GRID2: variants seen among roughly 807,000 people sequenced by gnomAD.
GRID2 encodes the protein glutamate receptor ionotropic, delta-2.
In GRID2, 33 loss-of-function variants were observed where a neutral mutation model predicts 114.8. The observed-to-expected ratio is 0.29, with a 90% CI of 0.22 to 0.38. The LOEUF (loss-of-function observed/expected upper bound fraction) is 0.38. Among genes scored for constraint, GRID2 ranks in the 10% least tolerant of loss-of-function variants. The pLI, the probability that GRID2 is intolerant of heterozygous loss-of-function variation, is 1.00. For synonymous variants in GRID2, 505 were observed against 449.9 expected (o/e 1.12, Z -1.55); for missense variants, 1,184 against 1,257.7 (o/e 0.94, Z 0.89).
chr4:93,354,455 T>G (rs1344649785), intron 8 of GRID2, among the ~76,000 whole-genome samples: 1 of 151,908 alleles, frequency 6.6e-6, no homozygotes, highest in East Asian at 1.9e-4. Flanking sequence ...GAAGCAAATT[T>G]TTTTGAGGGA....
At chr4:93,013,691 C>G (rs566659723) in intron 2 of GRID2, among the ~76,000 whole-genome samples, 1 of 151,978 alleles carries the variant, frequency 6.6e-6, no homozygotes, top group African/African-American at 2.4e-5. Context: ...TATATCCTAC[C>G]TATGTAAATC....
chr4:93,652,784 T>TAAAAAA (rs200098114), intron 14 of GRID2, among the ~76,000 whole-genome samples: 12 of 86,380 alleles, frequency 1.4e-4, no homozygotes, highest in African/African-American at 2.9e-4. Context: ...CAGTAAATGC[T>TAAAAAA]AAAAAAAAAA....
At chr4:93,299,211 C>G (rs571422542) in intron 8 of GRID2, among the ~76,000 whole-genome samples, 47 of 152,160 alleles carry the variant, frequency 3.1e-4, no homozygotes, top group South Asian at 8.3e-4. Flanking sequence ...CTCAGGCACT[C>G]GTAGCCCACT....
chr4:93,798,896 A>T (rs1561007938), intron 1 of GRID2, among the ~76,000 whole-genome samples: 1 of 152,192 alleles, frequency 6.6e-6, no homozygotes, highest in Non-Finnish European at 1.5e-5. Context: ...AGGCTTACAA[A>T]GATACATAAC....
At chr4:93,071,311 T>G (rs1316209667) in intron 2 of GRID2, among the ~76,000 whole-genome samples, 1 of 152,108 alleles carries the variant, frequency 6.6e-6, no homozygotes, top group African/African-American at 2.4e-5. Context: ...CCTTTCCTGT[T>G]TACTCAATTA....
intron 2 of GRID2, among the ~76,000 whole-genome samples, chr4:92,658,492 C>T (rs1407295488): frequency 2.0e-5 from 3 of 151,638 alleles, no homozygotes; most frequent in East Asian, 1.9e-4. Flanking sequence ...TTAGGTCTGG[C>T]CCAGACAGCA....
At chr4:93,673,666 T>C (rs1243237511) in intron 14 of GRID2, among the ~76,000 whole-genome samples, 1 of 152,226 alleles carries the variant, frequency 6.6e-6, no homozygotes. Flanking sequence ...TAAGCTGTCC[T>C]TTAAACAAGA....
chr4:93,065,463 G>A (rs752578990), intron 2 of GRID2, among the ~76,000 whole-genome samples: 3 of 151,818 alleles, frequency 2.0e-5, no homozygotes, highest in Non-Finnish European at 4.4e-5. Context: ...CAAAAGAAGT[G>A]ACTGTTTTTA....
At chr4:93,274,868 T>C (rs1356279444) in intron 8 of GRID2, among the ~76,000 whole-genome samples, 1 of 152,046 alleles carries the variant, frequency 6.6e-6, no homozygotes, top group Non-Finnish European at 1.5e-5. Context: ...CTATTCTACT[T>C]CCTGAAGCAA....
At chr4:92,324,975 A>T (rs1306731940) in intron 1 of GRID2, among the ~76,000 whole-genome samples, 1 of 152,074 alleles carries the variant, frequency 6.6e-6, no homozygotes, top group South Asian at 2.1e-4. Flanking sequence ...ACTATACAAA[A>T]AATAAATCAG....
intron 13 of GRID2, among the ~76,000 whole-genome samples, chr4:93,612,291 G>A (rs1232683975): frequency 2.0e-5 from 3 of 150,590 alleles, no homozygotes; most frequent in African/African-American, 7.3e-5. Context: ...TCTTTTAATT[G>A]GAGAATTTAG....
chr4:92,605,862 A>G (rs897848987), intron 2 of GRID2, among the ~76,000 whole-genome samples: 3 of 152,090 alleles, frequency 2.0e-5, no homozygotes, highest in African/African-American at 7.2e-5. Flanking sequence ...CCCCTTGGAC[A>G]TGGTGTGTAT....
chr4:93,450,537 A>T (rs933642790), intron 10 of GRID2, among the ~76,000 whole-genome samples: 2 of 151,756 alleles, frequency 1.3e-5, no homozygotes, highest in African/African-American at 2.4e-5. Context: ...ATAATCATTT[A>T]TTTTAGATTA....
rs1015320573 is a variant in GRID2, at chr4:93,205,224, AT to A, written c.736-2171del. Among the ~76,000 whole-genome samples, 43 of 147,498 alleles carry A rather than the reference AT, an allele frequency of 2.9e-4. 1 individual carries two copies. The highest frequency in any genetic ancestry group is 1.3e-3 in the Admixed American group (19 of 14,792). On this transcript the variant is annotated intron_variant, in intron 4 of 15. Transcript: ENST00000282020. ...TACTGGTATAAAGTGTTTTTTTTTT[AT>A]TTTTTTTTAGCTAAAACTGAAAACT...
intron 10 of GRID2, among the ~76,000 whole-genome samples, chr4:93,439,806 C>T (rs950130751): frequency 7.9e-5 from 12 of 151,930 alleles, no homozygotes; most frequent in African/African-American, 2.4e-4. Flanking sequence ...TCCCCTTTTC[C>T]ACCCACACTG....
rs1324940371 is a variant in GRID2 at position 93,040,383 on chromosome 4, G to T, written c.245-44612G>T. Among the ~76,000 whole-genome samples the T allele has an allele frequency of 2.6e-5, 4 of 152,006 alleles. No individual in the cohort carries two copies. In the East Asian group the frequency reaches 7.7e-4, roughly 29 times the overall value. ...GTGCAAACAATTTGAGATTTGAAAA[G>T]TATTTCTGGACCAAGATGGTGACAG... On this transcript the variant is annotated intron_variant, in intron 2 of 15. Coordinates refer to ENST00000282020, the MANE Select transcript of GRID2 (RefSeq NM_001510.4).
intron 8 of GRID2, among the ~76,000 whole-genome samples, chr4:93,310,499 C>G (rs1755900056): frequency 6.6e-6 from 1 of 151,846 alleles, no homozygotes. Context: ...CCACTGCACT[C>G]CAGCCTGGGC....
intron 2 of GRID2, among the ~76,000 whole-genome samples, chr4:92,757,895 T>G (rs1023390604): frequency 3.3e-5 from 5 of 150,908 alleles, no homozygotes; most frequent in African/African-American, 1.2e-4. Context: ...TACACGTCAG[T>G]AGTAATCTTC....
At chr4:93,023,399 G>T (rs541427584) in intron 2 of GRID2, among the ~76,000 whole-genome samples, 1 of 152,000 alleles carries the variant, frequency 6.6e-6, no homozygotes, top group African/African-American at 2.4e-5. Flanking sequence ...ATTTGAAGAA[G>T]CTCTGCAATA....
Sources: allele counts gnomAD v4.1 joint callset (sites outside exome capture counted in the v4.1 genomes callset), GRCh38; gene constraint gnomAD v4.1.1; transcripts MANE v1.5; gene names NCBI Gene and HGNC (gene_info 2026-07-23, HGNC 2026-07-21).